Variants in FOXP1 observed in about 807,000 individuals in gnomAD.
FOXP1 encodes the protein forkhead box P1.
FOXP1 carries 15 observed loss-of-function variants against 98.2 expected under a neutral mutation model. The observed-to-expected ratio is 0.15, with a 90% CI of 0.10 to 0.24. FOXP1 has a LOEUF of 0.24. Ranked by LOEUF, FOXP1 falls within the 10% of genes least tolerant of loss-of-function variation. The pLI is 1.00. For missense variants in FOXP1, 633 were observed against 848.5 expected (o/e 0.75, Z 3.15); for synonymous variants, 371 against 314.5 (o/e 1.18, Z -1.90).
At position 71,540,752 on chromosome 3, in the gene FOXP1, G is replaced by C. The variant is rs546718996; in HGVS notation, c.-298+40797C>G. 2.4e-4 allele frequency among the ~76,000 whole-genome samples: 37 copies of C among 152,286 alleles called. 1 individual carries two copies. The highest frequency in any genetic ancestry group is 3.3e-4 in the Admixed American group (5 of 15,300). ...ACCCAGGTCTCCTGACTCCAAATGT[G>C]TGCACTATGCTGAATATGTATGAAT... is the stretch of plus-strand genomic sequence containing the variant. On this transcript the variant is annotated intron_variant, in intron 2 of 20. Coordinates refer to ENST00000649528, the MANE Select transcript of FOXP1 (RefSeq NM_001349338.3).
intron 2 of FOXP1, among the ~76,000 whole-genome samples, chr3:71,539,979 A>G (rs949732172): frequency 3.3e-5 from 5 of 152,238 alleles, no homozygotes; most frequent in African/African-American, 1.2e-4. Context: ...ATCTAAATAA[A>G]CACCTGTTGA....
At chr3:71,225,216 G>A (rs961514287) in intron 5 of FOXP1, among the ~76,000 whole-genome samples, 4 of 152,162 alleles carry the variant, frequency 2.6e-5, no homozygotes, top group South Asian at 2.1e-4. Context: ...ACACATTTGC[G>A]GCATAAATGC....
At chr3:71,094,523 T>A (rs1207476041) in intron 7 of FOXP1, among the ~76,000 whole-genome samples, 1 of 152,202 alleles carries the variant, frequency 6.6e-6, no homozygotes, top group Non-Finnish European at 1.5e-5. Context: ...ACAATTTTCT[T>A]GGCTCCTCAG....
chr3:71,249,231 G>C (rs753520375), intron 5 of FOXP1, among the ~76,000 whole-genome samples: 3 of 152,242 alleles, frequency 2.0e-5, no homozygotes, highest in Non-Finnish European at 4.4e-5. Flanking sequence ...ATTTAGCCCT[G>C]GCTCCAGCCC....
intron 10 of FOXP1, 123 bp from the exon 11 acceptor site, chr3:71,041,655 G>T: frequency 1.1e-6 from 1 of 922,518 alleles, no homozygotes; most frequent in Non-Finnish European, 1.7e-6. Flanking sequence ...GGTGTGTGCA[G>T]TTTTTTTTCC....
chr3:70,970,667 A>C, intron 19 of FOXP1, 69 bp downstream of exon 19: 1 of 1,177,226 alleles, frequency 8.5e-7, no homozygotes. Flanking sequence ...GAGCAAGGCT[A>C]ATATATTTTG....
intron 5 of FOXP1, among the ~76,000 whole-genome samples, chr3:71,274,009 C>A (rs770942269): frequency 9.2e-5 from 14 of 152,200 alleles, no homozygotes; most frequent in Non-Finnish European, 1.8e-4. Flanking sequence ...CTCCCAGGAG[C>A]CTTCACTGCA....
At chr3:71,115,377 C>T (rs1419528392) in intron 6 of FOXP1, among the ~76,000 whole-genome samples, 1 of 148,616 alleles carries the variant, frequency 6.7e-6, no homozygotes, top group Non-Finnish European at 1.5e-5. Context: ...CGCTCTGTCA[C>T]CCAGGCTGGA....
intron 7 of FOXP1, among the ~76,000 whole-genome samples, chr3:71,101,445 G>A (rs929944991): frequency 6.6e-6 from 1 of 151,928 alleles, no homozygotes; most frequent in African/African-American, 2.4e-5. Flanking sequence ...AATGAACTGG[G>A]AAGCAGAAAG....
chr3:71,478,878 C>T (rs974979873), intron 3 of FOXP1, among the ~76,000 whole-genome samples: 9 of 152,170 alleles, frequency 5.9e-5, no homozygotes, highest in Admixed American at 1.3e-4. Flanking sequence ...TACCCATGCC[C>T]AGTAACATTG....
At chr3:70,996,859 AAG>A (rs1375811160) in intron 13 of FOXP1, among the ~76,000 whole-genome samples, 1 of 152,156 alleles carries the variant, frequency 6.6e-6, no homozygotes, top group African/African-American at 2.4e-5. Context: ...TACCATGCTG[AAG>A]AGAGAGGTCT....
intron 5 of FOXP1, among the ~76,000 whole-genome samples, chr3:71,256,871 T>G (rs923685268): frequency 1.3e-5 from 2 of 151,980 alleles, no homozygotes; most frequent in African/African-American, 4.8e-5. Context: ...ATTTTAGCAG[T>G]GGCTGCGACG....
intron 5 of FOXP1, among the ~76,000 whole-genome samples, chr3:71,263,766 T>C (rs1023340454): frequency 3.3e-5 from 5 of 151,606 alleles, no homozygotes; most frequent in African/African-American, 9.7e-5. Flanking sequence ...TCTTCTGAAA[T>C]AGGGTCTCAC....
chr3:71,324,792 A>G (rs1379057780), intron 4 of FOXP1, among the ~76,000 whole-genome samples: 1 of 151,694 alleles, frequency 6.6e-6, no homozygotes, highest in Non-Finnish European at 1.5e-5. Context: ...ATAAATAAAT[A>G]CATTAGTGTA....
intron 5 of FOXP1, among the ~76,000 whole-genome samples, chr3:71,239,882 A>G (rs1471887153): frequency 6.6e-6 from 1 of 152,188 alleles, no homozygotes; most frequent in Non-Finnish European, 1.5e-5. Flanking sequence ...AGGCTGAGTG[A>G]GCCCTATGTA....
chr3:71,112,508 T>G, intron 7 of FOXP1, 28 bp downstream of exon 7: 2 of 1,538,388 alleles, frequency 1.3e-6, no homozygotes, highest in African/African-American at 2.7e-5. Context: ...GGGTATAATG[T>G]CAATTTAAAA....
intron 3 of FOXP1, among the ~76,000 whole-genome samples, chr3:71,406,894 C>G (rs2108249703): frequency 6.6e-6 from 1 of 152,154 alleles, no homozygotes; most frequent in East Asian, 1.9e-4. Context: ...TTACCTGCCC[C>G]TGCAACTTAG....
At chr3:71,081,714 C>G (rs1465666935) in intron 7 of FOXP1, among the ~76,000 whole-genome samples, 1 of 152,156 alleles carries the variant, frequency 6.6e-6, no homozygotes, top group East Asian at 1.9e-4. Context: ...AAAAATACAA[C>G]TAAGTATTAC....
chr3:71,423,503 G>T (rs1472911142), intron 3 of FOXP1, among the ~76,000 whole-genome samples: 1 of 152,206 alleles, frequency 6.6e-6, no homozygotes, highest in Non-Finnish European at 1.5e-5. Flanking sequence ...CAACTTTATA[G>T]GATATCCGGG....
Sources: allele counts gnomAD v4.1 joint callset (sites outside exome capture counted in the v4.1 genomes callset), GRCh38; gene constraint gnomAD v4.1.1; transcripts MANE v1.5; gene names NCBI Gene and HGNC (gene_info 2026-07-23, HGNC 2026-07-21).